The following PDE10A variants were observed in gnomAD, a reference collection of about 807,000 sequenced individuals.
PDE10A encodes the protein phosphodiesterase 10A.
Under a neutral mutation model 97.7 loss-of-function variants are expected in PDE10A, and 39 were observed. That is an observed-to-expected ratio of 0.40 (90% CI 0.31 to 0.52). The LOEUF (loss-of-function observed/expected upper bound fraction) is 0.52. Among genes scored for constraint, PDE10A ranks in the 20% least tolerant of loss-of-function variants. PDE10A has a pLI of 0.56. For synonymous variants in PDE10A, 371 were observed against 376.8 expected (o/e 0.98, Z 0.18); for missense variants, 731 against 1,047.8 (o/e 0.70, Z 4.17).
chr6:165,853,589 A>C (rs1411675905), intron 1 of PDE10A, among the ~76,000 whole-genome samples: 2 of 152,194 alleles, frequency 1.3e-5, no homozygotes. Flanking sequence ...GTAAGGAATC[A>C]CCTTGTGCCA....
chr6:165,366,754 T>C (rs780911113), intron 18 of PDE10A, among the ~76,000 whole-genome samples: 1 of 152,086 alleles, frequency 6.6e-6, no homozygotes, highest in African/African-American at 2.4e-5. Context: ...TTGGAATTCA[T>C]ACAAATCCCT....
intron 1 of PDE10A, among the ~76,000 whole-genome samples, chr6:165,629,069 G>A (rs1036850726): frequency 6.6e-6 from 1 of 151,598 alleles, no homozygotes; most frequent in African/African-American, 2.4e-5. Context: ...GATTTTTGAT[G>A]TGCGAGTGGG....
intron 1 of PDE10A, among the ~76,000 whole-genome samples, chr6:165,916,119 TCA>T (rs1254534211): frequency 3.3e-5 from 5 of 152,252 alleles, no homozygotes; most frequent in African/African-American, 1.2e-4. Context: ...AACATTAATT[TCA>T]GAGTGTGTAA....
intron 10 of PDE10A, among the ~76,000 whole-genome samples, chr6:165,419,523 C>A (rs1023421243): frequency 6.6e-6 from 1 of 152,164 alleles, no homozygotes; most frequent in African/African-American, 2.4e-5. Context: ...AGTATTTGAA[C>A]TGATACTAGC....
chr6:165,399,855 C>G (rs556297622), intron 13 of PDE10A, among the ~76,000 whole-genome samples: 1 of 152,254 alleles, frequency 6.6e-6, no homozygotes, highest in African/African-American at 2.4e-5. Context: ...TTCCAAGTCT[C>G]TGCTATTGTT....
At chr6:165,654,250 A>G (rs2128426978) in intron 1 of PDE10A, among the ~76,000 whole-genome samples, 1 of 151,850 alleles carries the variant, frequency 6.6e-6, no homozygotes, top group Middle Eastern at 3.4e-3. Context: ...GTTCCCAGTC[A>G]CTCCCGTCAT....
At chr6:165,608,776 A>G (rs538857708) in intron 1 of PDE10A, among the ~76,000 whole-genome samples, 3 of 152,064 alleles carry the variant, frequency 2.0e-5, no homozygotes, top group Non-Finnish European at 2.9e-5. Context: ...AGCACCTGTT[A>G]TTTCCTGACT....
intron 1 of PDE10A, among the ~76,000 whole-genome samples, chr6:165,653,455 AGGAGGATAC>A (rs545466704): frequency 6.6e-6 from 1 of 152,318 alleles, no homozygotes; most frequent in African/African-American, 2.4e-5. Flanking sequence ...ACTCCCAGTC[AGGAGGATAC>A]CATGACACAG....
intron 1 of PDE10A, among the ~76,000 whole-genome samples, chr6:165,823,790 G>A (rs1179292914): frequency 2.0e-5 from 3 of 151,810 alleles, no homozygotes; most frequent in Non-Finnish European, 2.9e-5. Flanking sequence ...AGACTATGAC[G>A]TCACTGGGTG....
intron 1 of PDE10A, among the ~76,000 whole-genome samples, chr6:165,740,771 T>C (rs749861589): frequency 2.0e-5 from 3 of 152,174 alleles, no homozygotes; most frequent in Non-Finnish European, 4.4e-5. Flanking sequence ...CACTTACACG[T>C]AGAATCTTAA....
chr6:165,640,589 A>G (rs1158346600), intron 1 of PDE10A, among the ~76,000 whole-genome samples: 4 of 152,216 alleles, frequency 2.6e-5, no homozygotes, highest in Non-Finnish European at 5.9e-5. Context: ...TTAGCCATTA[A>G]TAAGTGCTGC....
intron 1 of PDE10A, among the ~76,000 whole-genome samples, chr6:165,804,122 T>C (rs143468695): frequency 6.6e-6 from 1 of 152,334 alleles, no homozygotes; most frequent in East Asian, 1.9e-4. Context: ...CTAGTCAATT[T>C]AATTTCACTT....
At chr6:165,419,446 C>T (rs1425505913) in intron 10 of PDE10A, among the ~76,000 whole-genome samples, 3 of 152,258 alleles carry the variant, frequency 2.0e-5, no homozygotes, top group East Asian at 1.9e-4. Context: ...TCCCATTGTA[C>T]GTATTAGGAA....
At chr6:165,856,165 G>C (rs1027403477) in intron 1 of PDE10A, among the ~76,000 whole-genome samples, 14 of 152,130 alleles carry the variant, frequency 9.2e-5, no homozygotes, top group African/African-American at 3.4e-4. Context: ...CTGGAGAGGA[G>C]GACTGATGCT....
At chr6:165,563,645 C>G (rs539419786) in intron 1 of PDE10A, among the ~76,000 whole-genome samples, 2 of 152,200 alleles carry the variant, frequency 1.3e-5, no homozygotes, top group South Asian at 2.1e-4. Context: ...ATCCCAGCAC[C>G]TTGGGAGGCT....
At chr6:165,873,095 G>A (rs1214762807) in intron 1 of PDE10A, among the ~76,000 whole-genome samples, 1 of 152,140 alleles carries the variant, frequency 6.6e-6, no homozygotes. Context: ...TCAGCCTCCT[G>A]GCAGGGGAAG....
chr6:165,801,786 C>G (rs1778994256), intron 1 of PDE10A, among the ~76,000 whole-genome samples: 1 of 152,124 alleles, frequency 6.6e-6, no homozygotes, highest in African/African-American at 2.4e-5. Flanking sequence ...TATTAAACAT[C>G]AAAATGAAAG....
At chr6:165,574,148 G>A (rs575704986) in intron 1 of PDE10A, among the ~76,000 whole-genome samples, 4 of 152,140 alleles carry the variant, frequency 2.6e-5, no homozygotes, top group Non-Finnish European at 5.9e-5. Context: ...TTAAGAGAAA[G>A]TGAGTCTTTT....
chr6:165,472,630 C>T (rs929711727), intron 3 of PDE10A, among the ~76,000 whole-genome samples: 2 of 151,982 alleles, frequency 1.3e-5, no homozygotes, highest in African/African-American at 2.4e-5. Flanking sequence ...TTTAAAAAGC[C>T]GTTTTTCAAA....
Sources: gnomAD v4.1 joint callset for allele counts (sites outside exome capture counted in the v4.1 genomes callset) on GRCh38, gnomAD v4.1.1 for gene constraint, MANE v1.5 for transcripts, NCBI Gene and HGNC (gene_info 2026-07-23, HGNC 2026-07-21) for gene names.